LDLRAD4: variants seen among roughly 807,000 people sequenced by gnomAD.
LDLRAD4 encodes low-density lipoprotein receptor class A domain-containing protein 4.
In LDLRAD4, 5 loss-of-function variants were observed where a neutral mutation model predicts 17.0. The observed-to-expected ratio is 0.29, with a 90% CI of 0.15 to 0.62. LDLRAD4 has a LOEUF of 0.62. LDLRAD4 is among the 20% of genes least tolerant of loss of function. The probability of loss-of-function intolerance (pLI) is 0.84; values close to 1 mark genes in which losing one functional copy is unlikely to be tolerated. For synonymous variants in LDLRAD4, 168 were observed against 171.8 expected, an observed-to-expected ratio of 0.98 and a Z score of 0.17; for missense variants, 340 against 424.7, an observed-to-expected ratio of 0.80 and a Z score of 1.75.
intron 1 of LDLRAD4, among the ~76,000 whole-genome samples, chr18:13,313,603 C>G (rs532633476): frequency 2.6e-4 from 39 of 152,362 alleles, no homozygotes; most frequent in African/African-American, 8.9e-4. Flanking sequence ...GCACGGGGAA[C>G]TCAAGTTAGG....
intron 3 of LDLRAD4, among the ~76,000 whole-genome samples, chr18:13,457,342 G>T (rs537092590): frequency 6.6e-6 from 1 of 152,366 alleles, no homozygotes; most frequent in Non-Finnish European, 1.5e-5. Context: ...AAGATGTGGA[G>T]TCCTGTGCCC....
At chr18:13,543,152 A>G (rs2094310575) in intron 3 of LDLRAD4, 1 of 152,208 alleles carries the variant, frequency 6.6e-6, no homozygotes, top group South Asian at 2.1e-4. Flanking sequence ...AATTAAATCT[A>G]AATCCACCCC....
At chr18:13,576,404 AGAGC>A (rs1479832577) in intron 3 of LDLRAD4, among the ~76,000 whole-genome samples, 1 of 144,414 alleles carries the variant, frequency 6.9e-6, no homozygotes, top group Non-Finnish European at 1.5e-5. Context: ...CCTGGGGGAC[AGAGC>A]GAGACTCTGT....
At chr18:13,220,483 C>T (rs1450815646) in intron 1 of LDLRAD4, among the ~76,000 whole-genome samples, 4 of 152,236 alleles carry the variant, frequency 2.6e-5, no homozygotes, top group African/African-American at 4.8e-5. Context: ...CAGTGGAACG[C>T]AGCCAGTGCC....
rs1247276207 is a variant in LDLRAD4, at chr18:13,552,650, T to C, written c.182-68467T>C. ...GGGGAGAGGCTGACGGCTGAGGTAG[T>C]TCCTAGAGGACTGTGACTCTTCACT... On this transcript the variant is annotated intron_variant, in intron 3 of 5. Transcript: ENST00000359446. Among the ~76,000 whole-genome samples, 3 of 152,180 alleles carry C rather than the reference T, an allele frequency of 2.0e-5. No homozygotes were observed. The East Asian group carries it at 5.8e-4, about 29-fold the overall frequency.
chr18:13,548,555 A>G (rs781578220), intron 3 of LDLRAD4, among the ~76,000 whole-genome samples: 52 of 152,242 alleles, frequency 3.4e-4, no homozygotes, highest in Non-Finnish European at 6.2e-4. Context: ...CTCAGCCACA[A>G]GTTTGCTTCA....
intron 3 of LDLRAD4, among the ~76,000 whole-genome samples, chr18:13,593,333 C>A (rs1414772728): frequency 4.6e-5 from 7 of 152,130 alleles, no homozygotes; most frequent in African/African-American, 1.7e-4. Flanking sequence ...AAACAAAAAA[C>A]AAAAACAGTC....
chr18:13,566,367 C>CTTTT lies in LDLRAD4; in HGVS notation c.182-54739_182-54736dup, dbSNP rs11462818. 1.5e-3 allele frequency among the ~76,000 whole-genome samples: 215 copies of CTTTT among 143,520 alleles called. 2 individuals are homozygous for CTTTT. The highest frequency in any genetic ancestry group is 8.0e-3 in the East Asian group (39 of 4,880). 94.2% of individuals were successfully genotyped at this position (143,520 alleles called of 152,430 possible). ...TTTTCAATAAAGAGCATGCCTTAGA[C>CTTTT]TTTTTTTTTTTTTTGAGACAGAGTC... On this transcript the variant is annotated intron_variant, in intron 3 of 5. Coordinates refer to ENST00000359446, the Ensembl canonical transcript of LDLRAD4.
chr18:13,288,530 G>A (rs2045764300), intron 1 of LDLRAD4, among the ~76,000 whole-genome samples: 1 of 152,212 alleles, frequency 6.6e-6, no homozygotes, highest in African/African-American at 2.4e-5. Flanking sequence ...AAAATAATCT[G>A]TAAAGGTGTT....
intron 3 of LDLRAD4, among the ~76,000 whole-genome samples, chr18:13,599,176 GGA>G (rs1194387011): frequency 1.3e-5 from 2 of 152,140 alleles, no homozygotes; most frequent in African/African-American, 4.8e-5. Context: ...TGGGAAGTGG[GGA>G]GAGAGGAAAC....
intron 3 of LDLRAD4, among the ~76,000 whole-genome samples, chr18:13,548,661 G>A (rs1601299388): frequency 6.6e-6 from 1 of 152,242 alleles, no homozygotes; most frequent in African/African-American, 2.4e-5. Context: ...GGGCCTCCAA[G>A]AGTCCAGGGG....
intron 3 of LDLRAD4, among the ~76,000 whole-genome samples, chr18:13,553,899 G>A (rs577988956): frequency 1.3e-5 from 2 of 152,268 alleles, no homozygotes; most frequent in South Asian, 2.1e-4. Context: ...AGGTGGAACC[G>A]ATTTCCCTGA....
intron 1 of LDLRAD4, among the ~76,000 whole-genome samples, chr18:13,320,314 G>A (rs2081149627): frequency 6.6e-6 from 1 of 152,218 alleles, no homozygotes. Context: ...CTGTGTTGAC[G>A]TAATCTGTTG....
chr18:13,515,643 T>C (rs2093853649), intron 3 of LDLRAD4: 2 of 152,364 alleles, frequency 1.3e-5, no homozygotes, highest in African/African-American at 4.8e-5. Context: ...TTAACAATGG[T>C]TCTTTATTTT....
At chr18:13,271,939 AG>A (rs1159246743) in intron 1 of LDLRAD4, among the ~76,000 whole-genome samples, 3 of 123,084 alleles carry the variant, frequency 2.4e-5, no homozygotes, top group Non-Finnish European at 4.7e-5. Flanking sequence ...TTGCTTTGCC[AG>A]GCTGGAGTGC....
At chr18:13,424,133 C>T (rs2089724807) in intron 2 of LDLRAD4, among the ~76,000 whole-genome samples, 1 of 5,840 alleles carries the variant, frequency 1.7e-4, no homozygotes, top group Non-Finnish European at 4.2e-4. Flanking sequence ...GAAACTCCAT[C>T]TCAAAGAAAA....
chr18:13,501,378 T>C (rs1316144938), intron 3 of LDLRAD4: 1 of 152,188 alleles, frequency 6.6e-6, no homozygotes, highest in Non-Finnish European at 1.5e-5. Flanking sequence ...TACCTCATCC[T>C]CCTGGGCAGA....
intron 1 of LDLRAD4, among the ~76,000 whole-genome samples, chr18:13,328,911 T>G (rs985763786): frequency 1.3e-5 from 2 of 152,220 alleles, no homozygotes; most frequent in African/African-American, 4.8e-5. Context: ...TTATCTTTTA[T>G]GTATAAGTTG....
At chr18:13,579,814 C>T (rs2094831037) in intron 3 of LDLRAD4, among the ~76,000 whole-genome samples, 1 of 152,192 alleles carries the variant, frequency 6.6e-6, no homozygotes, top group Non-Finnish European at 1.5e-5. Context: ...AAACTAGTGC[C>T]CAGTTCTGAG....
Sources: gnomAD v4.1 joint callset for allele counts (sites outside exome capture counted in the v4.1 genomes callset) on GRCh38, gnomAD v4.1.1 for gene constraint, MANE v1.5 for transcripts, NCBI Gene and HGNC (gene_info 2026-07-23, HGNC 2026-07-21) for gene names.